Variants in PRKG1 observed in about 807,000 individuals in gnomAD.
PRKG1 encodes the protein cGMP-dependent protein kinase 1.
A neutral mutation model predicts 88.1 loss-of-function variants in PRKG1; 35 were observed. The observed-to-expected ratio is 0.40, with a 90% CI of 0.30 to 0.53. The LOEUF is 0.53. Among genes scored for constraint, PRKG1 ranks in the 20% least tolerant of loss-of-function variants. The pLI, the probability that PRKG1 is intolerant of heterozygous loss-of-function variation, is 0.59. For synonymous variants in PRKG1, 303 were observed against 292.5 expected, an observed-to-expected ratio of 1.04 and a Z score of -0.37; for missense variants, 540 against 839.8, an observed-to-expected ratio of 0.64 and a Z score of 4.41.
intron 5 of PRKG1, among the ~76,000 whole-genome samples, chr10:51,927,976 T>C (rs867692368): frequency 1.1e-4 from 16 of 152,282 alleles, no homozygotes; most frequent in African/African-American, 3.8e-4. Context: ...CAAGTACTAG[T>C]AGACTGTGGC....
At chr10:51,042,644 A>C (rs1417456251) in intron 1 of PRKG1, among the ~76,000 whole-genome samples, 1 of 152,178 alleles carries the variant, frequency 6.6e-6, no homozygotes, top group Non-Finnish European at 1.5e-5. Context: ...AGAAGAAAGG[A>C]GGCTTTGAGA....
upstream of PRKG1, among the ~76,000 whole-genome samples, chr10:51,071,951 C>A (rs1207371230): frequency 6.6e-6 from 1 of 152,172 alleles, no homozygotes; most frequent in Non-Finnish European, 1.5e-5. Flanking sequence ...ATAATCCCAG[C>A]ATTTTTGGAG....
chr10:51,927,386 T>G (rs1348137316), intron 5 of PRKG1, among the ~76,000 whole-genome samples: 5 of 152,198 alleles, frequency 3.3e-5, no homozygotes, highest in Admixed American at 3.3e-4. Flanking sequence ...CACATGGAAC[T>G]GTGAGTCCAT....
intron 2 of PRKG1, among the ~76,000 whole-genome samples, chr10:51,213,188 C>G (rs1467052573): frequency 1.3e-5 from 2 of 152,152 alleles, no homozygotes; most frequent in East Asian, 3.9e-4. Flanking sequence ...AGCTGGAAAC[C>G]ATCATTCTCT....
At chr10:51,525,163 G>A (rs1050612542) in intron 3 of PRKG1, among the ~76,000 whole-genome samples, 1 of 150,684 alleles carries the variant, frequency 6.6e-6, no homozygotes, top group African/African-American at 2.4e-5. Context: ...AGGAGGAGGA[G>A]GAAGAGAAGG....
intron 3 of PRKG1, among the ~76,000 whole-genome samples, chr10:51,663,311 A>G (rs1468436408): frequency 6.6e-6 from 1 of 152,058 alleles, no homozygotes; most frequent in African/African-American, 2.4e-5. Flanking sequence ...AAAAGAACTC[A>G]CCAAGGCCAG....
chr10:51,784,774 A>G (rs1017880163), intron 3 of PRKG1, among the ~76,000 whole-genome samples: 1 of 152,106 alleles, frequency 6.6e-6, no homozygotes, highest in Non-Finnish European at 1.5e-5. Context: ...ATATGACTCT[A>G]TGGTTTCATT....
chr10:51,567,479 T>C (rs1386244979), intron 3 of PRKG1, among the ~76,000 whole-genome samples: 2 of 152,096 alleles, frequency 1.3e-5, no homozygotes, highest in Non-Finnish European at 2.9e-5. Context: ...CATTACCCAG[T>C]GGGAGTTTAC....
chr10:51,020,331 A>G (rs1414420456), intron 1 of PRKG1, among the ~76,000 whole-genome samples: 1 of 152,258 alleles, frequency 6.6e-6, no homozygotes, highest in East Asian at 1.9e-4. Flanking sequence ...TCTGGGATAT[A>G]TTCCCCAAAG....
intron 3 of PRKG1, among the ~76,000 whole-genome samples, chr10:51,557,290 C>T (rs1488131989): frequency 6.6e-6 from 1 of 151,842 alleles, no homozygotes; most frequent in East Asian, 1.9e-4. Context: ...CAGAAAGAAT[C>T]CTTATAATAT....
intron 3 of PRKG1, among the ~76,000 whole-genome samples, chr10:51,584,072 C>A (rs147352820): frequency 6.6e-6 from 1 of 152,058 alleles, no homozygotes; most frequent in African/African-American, 2.4e-5. Context: ...TTTTTCCACT[C>A]AGAAGTAACA....
chr10:51,737,740 A>T (rs7069392), intron 3 of PRKG1, among the ~76,000 whole-genome samples: 11,429 of 132,962 alleles, frequency 0.086, 557 homozygotes, highest in East Asian at 0.19. Flanking sequence ...TTTATTTATT[A>T]ATTATTATTA....
At chr10:51,236,217 C>G (rs1354742260) in intron 2 of PRKG1, among the ~76,000 whole-genome samples, 1 of 152,164 alleles carries the variant, frequency 6.6e-6, no homozygotes, top group African/African-American at 2.4e-5. Flanking sequence ...ACCTCATTGA[C>G]AGGGGAGAGC....
rs1841326765 is a variant in PRKG1 at position 51,697,483 on chromosome 10, A to C, written c.593-107102A>C. On this transcript the variant is annotated intron_variant, in intron 3 of 17. Transcript: ENST00000373980. ...ATCATGTTCAGAGTTATTTTAAAGTAACTTAAAGTGAACAGACGCACTCCC... is the reference window on the plus strand; with the variant it reads ...ATCATGTTCAGAGTTATTTTAAAGTCACTTAAAGTGAACAGACGCACTCCC... The C allele has an allele frequency of 2.1e-5, 12 of 570,576 alleles. 1 individual carries two copies. In the South Asian group the frequency reaches 2.8e-4, roughly 13 times the overall value. The allele number at this position is 570,576 out of a possible 1,614,324, so 35.3% of individuals were successfully genotyped here. A position where few individuals can be genotyped will look rare whatever the true frequency, so the allele number is the denominator to read the frequency against.
chr10:52,058,973 A>G (rs1037655051), intron 6 of PRKG1, among the ~76,000 whole-genome samples: 1 of 151,934 alleles, frequency 6.6e-6, no homozygotes, highest in Non-Finnish European at 1.5e-5. Context: ...ATCAACAAAA[A>G]ACACCAAAGT....
chr10:51,813,775 T>C (rs1455538286), intron 4 of PRKG1, among the ~76,000 whole-genome samples: 1 of 152,166 alleles, frequency 6.6e-6, no homozygotes, highest in Non-Finnish European at 1.5e-5. Context: ...GTTGATTTTG[T>C]TCTTGGAGTA....
chr10:51,149,807 G>A (rs1846022562), intron 1 of PRKG1, among the ~76,000 whole-genome samples: 1 of 151,994 alleles, frequency 6.6e-6, no homozygotes, highest in Non-Finnish European at 1.5e-5. Flanking sequence ...CTTGAAATTG[G>A]CCATGGTGGG....
intron 9 of PRKG1, among the ~76,000 whole-genome samples, chr10:52,212,705 A>G (rs1875789): frequency 0.15 from 23,045 of 151,762 alleles, 2,486 homozygotes; most frequent in East Asian, 0.48. Context: ...CCCATAGATC[A>G]TTTTCTCTCC....
At chr10:52,157,306 G>GAGATAGATATAT (rs1289803162) in intron 8 of PRKG1, among the ~76,000 whole-genome samples, 4 of 125,916 alleles carry the variant, frequency 3.2e-5, no homozygotes, top group African/African-American at 1.1e-4. Context: ...TGAGTTAGTT[G>GAGATAGATATAT]ATATATATAT....
Sources: allele counts gnomAD v4.1 joint callset (sites outside exome capture counted in the v4.1 genomes callset), GRCh38; gene constraint gnomAD v4.1.1; transcripts MANE v1.5; gene names NCBI Gene and HGNC (gene_info 2026-07-23, HGNC 2026-07-21).